The following PITPNM3 variants were observed in gnomAD, a reference collection of about 807,000 sequenced individuals.
PITPNM3 encodes the protein PITPNM family member 3.
A neutral mutation model predicts 102.0 loss-of-function variants in PITPNM3; 26 were observed. The ratio of observed to expected loss-of-function variants is 0.25; its 90% confidence interval spans 0.19 to 0.35. The LOEUF (loss-of-function observed/expected upper bound fraction) is 0.35. Among genes scored for constraint, PITPNM3 ranks in the 10% least tolerant of loss-of-function variants. The pLI, the probability that PITPNM3 is intolerant of heterozygous loss-of-function variation, is 1.00. For missense variants in PITPNM3, 1,083 were observed against 1,346.1 expected (o/e 0.80, Z 3.06); for synonymous variants, 578 against 558.6 (o/e 1.03, Z -0.49).
Position 6,455,598 on chromosome 17 carries a change from T to C in PITPNM3, c.2665A>G (p.Ser889Gly). The C allele has an allele frequency of 6.5e-7, 1 of 1,546,444 alleles. No individual in the cohort carries two copies. The highest frequency in any genetic ancestry group is 8.7e-7 in the Non-Finnish European group (1 of 1,150,156). Residue 889 changes from serine to glycine, a missense_variant, in exon 20 of 20, where the codon AGC becomes GGC. Physicochemically the swap from Ser to Gly is moderately conservative, Grantham distance 56. Coordinates refer to ENST00000262483, the MANE Select transcript of PITPNM3 (RefSeq NM_031220.4). ...YAAHLAALEA[S>G]HRSRPKKNNS... Reference sequence around the variant, plus strand: ...TTCTTCTTTGGGCGTGAGCGGTGGCTGGCCTCCAGCGCGGCCAGGTGTGCG... The same window carrying C: ...TTCTTCTTTGGGCGTGAGCGGTGGCCGGCCTCCAGCGCGGCCAGGTGTGCG...
chr17:6,481,432 T>C (rs1383116499), intron 6 of PITPNM3: 1 of 152,382 alleles, frequency 6.6e-6, no homozygotes, highest in African/African-American at 2.4e-5. Flanking sequence ...CTGTGTTGAG[T>C]GCTTCACACA....
At chr17:6,503,383 G>A (rs1907299378) in intron 4 of PITPNM3, 144 bp downstream of exon 4, 1 of 921,290 alleles carries the variant, frequency 1.1e-6, no homozygotes, top group Non-Finnish European at 1.7e-6. Flanking sequence ...AGTGACCCCA[G>A]GCCCTCCGGT....
At chr17:6,513,697 G>A (rs568498319) in intron 3 of PITPNM3, among the ~76,000 whole-genome samples, 1 of 152,304 alleles carries the variant, frequency 6.6e-6, no homozygotes, top group South Asian at 2.1e-4. Flanking sequence ...AACTAATATT[G>A]TTAAGATGAC....
At chr17:6,474,020 A>G (rs929161848) in intron 10 of PITPNM3, among the ~76,000 whole-genome samples, 2 of 150,254 alleles carry the variant, frequency 1.3e-5, no homozygotes, top group African/African-American at 4.9e-5. Flanking sequence ...TGCATGAGCA[A>G]AGGCACCTGA....
chr17:6,464,551 G>T, intron 15 of PITPNM3, 104 bp downstream of exon 15: 1 of 1,262,656 alleles, frequency 7.9e-7, no homozygotes, highest in Non-Finnish European at 1.1e-6. Flanking sequence ...TTCCACCCCA[G>T]GCAGCTCGGC....
chr17:6,461,445 G>C lies in PITPNM3; in HGVS notation c.2418C>G (p.Ile806Met), dbSNP rs764363923. The C allele has an allele frequency of 1.9e-6, 3 of 1,614,190 alleles. No individual in the cohort carries two copies. The highest frequency in any genetic ancestry group is 2.5e-6 in the Non-Finnish European group (3 of 1,180,026). ...CATGCACCAGCCCATCGGAGAAGAA[G>C]ATCATGCCCTGTGGGAAGTTGTGCT... ...LSQHNFPQGMIFFSDGLVHDP... is the reference protein window; with the variant it reads ...LSQHNFPQGMMFFSDGLVHDP... Residue 806 changes from isoleucine (I) to methionine (M), a missense_variant, in exon 18 of 20, where the codon ATC (isoleucine) becomes ATG (methionine). Physicochemically the swap from Ile to Met is conservative, Grantham distance 10. Around this residue, in one of 5 missense-constraint regions of PITPNM3, gnomAD observed 410 missense variants for 638.4 expected, o/e 0.64. Coordinates refer to ENST00000262483, the MANE Select transcript of PITPNM3 (RefSeq NM_031220.4).
At chr17:6,464,817 C>G (rs752842251) in intron 14 of PITPNM3, 46 bp from the exon 15 acceptor site, 1 of 1,585,292 alleles carries the variant, frequency 6.3e-7, no homozygotes, top group South Asian at 1.1e-5. Context: ...AAGGGAGGCT[C>G]AACCTTGCTT....
At chr17:6,491,832 T>TAG in intron 4 of PITPNM3, among the ~76,000 whole-genome samples, 1 of 109,248 alleles carries the variant, frequency 9.2e-6, no homozygotes, top group African/African-American at 3.4e-5. Flanking sequence ...TATATATATA[T>TAG]ATATAATAAA....
chr17:6,477,362 T>G (rs1053849732), intron 8 of PITPNM3, 149 bp from the exon 9 acceptor site: 4 of 850,480 alleles, frequency 4.7e-6, no homozygotes, highest in Non-Finnish European at 3.8e-6. Context: ...GAAGCCACAT[T>G]GCAATCATGG....
At chr17:6,532,192 G>A (rs1278120074) in intron 2 of PITPNM3, among the ~76,000 whole-genome samples, 1 of 151,530 alleles carries the variant, frequency 6.6e-6, no homozygotes, top group Non-Finnish European at 1.5e-5. Context: ...TCTTCCCCCT[G>A]GATTCGCAGG....
In PITPNM3 at chr17:6,471,258, C is replaced by G; in HGVS notation, c.1527G>C (p.Ser509=). The G allele has an allele frequency of 1.2e-6, 2 of 1,613,408 alleles. No homozygotes were observed. Among genetic ancestry groups the G allele is most frequent in the Non-Finnish European group, 1.7e-6 (2 of 1,179,938 alleles). The stretch of plus-strand genomic sequence containing the variant: ...TCCTCCGTCCTGGGCGCTGGAACCT[C>G]GAGGCCTGAGGGGGCGAGGCAGGGG... ...LDAPASPPQA[S]RFQRPGRRMS... Residue 509 remains serine (S), a synonymous_variant, in exon 12 of 20, where the codon TCG becomes TCC. Transcript: ENST00000262483.
At chr17:6,528,578 CATGTGTGTGCAT>C (rs1219893582) in intron 2 of PITPNM3, among the ~76,000 whole-genome samples, 1 of 152,020 alleles carries the variant, frequency 6.6e-6, no homozygotes, top group African/African-American at 2.4e-5. Flanking sequence ...TGCATATGTG[CATGTGTGTGCAT>C]ATGTGTGTGG....
At chr17:6,467,474 C>G (rs1904844307) in intron 14 of PITPNM3, among the ~76,000 whole-genome samples, 1 of 152,176 alleles carries the variant, frequency 6.6e-6, no homozygotes, top group Non-Finnish European at 1.5e-5. Flanking sequence ...CTGAATTGTA[C>G]TATCTAAATG....
At chr17:6,505,373 A>G (rs1331171015) in intron 3 of PITPNM3, among the ~76,000 whole-genome samples, 1 of 151,980 alleles carries the variant, frequency 6.6e-6, no homozygotes, top group African/African-American at 2.4e-5. Flanking sequence ...GATAGAGACA[A>G]TCAATGGTTA....
At position 6,464,746 on chromosome 17, in the gene PITPNM3, T is replaced by C. The variant is rs1904672902; in HGVS notation, c.1916A>G (p.Asn639Ser). The C allele has an allele frequency of 6.2e-7, 1 of 1,614,190 alleles. No homozygotes were observed. Among genetic ancestry groups the C allele is most frequent in the Non-Finnish European group, 8.5e-7 (1 of 1,180,040 alleles). The part of the protein sequence containing the change: ...LRNVTANHRA[N>S]DVIAAEDGPQ... ...GCCATCTTCAGCAGCAATCACATCA[T>C]TGGCCCGGTGATTAGCCGTGACATT... Residue 639 changes from asparagine to serine, a missense_variant, in exon 15 of 20, where the codon AAT becomes AGT. Around this residue, in one of 5 missense-constraint regions of PITPNM3, gnomAD observed 410 missense variants for 638.4 expected, o/e 0.64. Transcript: ENST00000262483.
At chr17:6,539,819 C>T (rs1465076417) in intron 1 of PITPNM3, among the ~76,000 whole-genome samples, 1 of 152,156 alleles carries the variant, frequency 6.6e-6, no homozygotes, top group East Asian at 1.9e-4. Context: ...CAGTCTTTTC[C>T]GTTCCTAAGA....
intron 18 of PITPNM3, among the ~76,000 whole-genome samples, chr17:6,460,192 C>T (rs1329552646): frequency 6.6e-6 from 1 of 152,188 alleles, no homozygotes; most frequent in Non-Finnish European, 1.5e-5. Flanking sequence ...TTAACCCTGC[C>T]TGCACTTATC....
rs111401109 is a variant in PITPNM3, at chr17:6,474,592, G to A, written c.1098C>T (p.Ser366=). Residue 366 remains serine (S), a synonymous_variant, in exon 10 of 20, where the codon AGC becomes AGT. Transcript: ENST00000262483. ...GGGTCTCAGACTCATCCTTTAGCAC[G>A]CTGGAGTGGATGCTGCGGAGGGAGG... ...HHAFLSSIHS[S]VLKDESETPA... is the part of the protein sequence containing the mutation. The A allele has an allele frequency of 1.1e-5, 18 of 1,570,110 alleles. No homozygotes were observed. The highest frequency in any genetic ancestry group is 8.6e-6 in the Non-Finnish European group (10 of 1,158,286).
intron 1 of PITPNM3, among the ~76,000 whole-genome samples, chr17:6,549,070 C>T (rs73975611): frequency 0.035 from 5,260 of 152,072 alleles, 307 homozygotes; most frequent in African/African-American, 0.12. Flanking sequence ...AGGAACCTTC[C>T]CCTGGTAGGT....
Sources: gnomAD v4.1 joint callset for allele counts (sites outside exome capture counted in the v4.1 genomes callset) on GRCh38, gnomAD v4.1.1 for gene constraint, gnomAD v4.1.1 regional missense constraint, MANE v1.5 for transcripts, NCBI Gene and HGNC (gene_info 2026-07-23, HGNC 2026-07-21) for gene names.